Variants in DPP6 observed in about 807,000 individuals in gnomAD.
The protein encoded by DPP6 is A-type potassium channel modulatory protein DPP6.
In DPP6, 69 loss-of-function variants were observed where a neutral mutation model predicts 122.6. The ratio of observed to expected loss-of-function variants is 0.56; its 90% CI spans 0.46 to 0.69. DPP6 has a LOEUF of 0.69. DPP6 is among the 30% of genes least tolerant of loss of function. The pLI, the probability that DPP6 is intolerant of heterozygous loss-of-function variation, is 0.00. For synonymous variants in DPP6, 418 were observed against 433.1 expected, an observed-to-expected ratio of 0.97 and a Z score of 0.43; for missense variants, 928 against 1,116.9, an observed-to-expected ratio of 0.83 and a Z score of 2.41.
At chr7:154,238,437 G>A (rs1302677304) in intron 1 of DPP6, among the ~76,000 whole-genome samples, 1 of 152,164 alleles carries the variant, frequency 6.6e-6, no homozygotes, top group African/African-American at 2.4e-5. Context: ...AATATGAGGT[G>A]ATAATAGCAA....
intron 5 of DPP6, among the ~76,000 whole-genome samples, chr7:154,582,992 G>C (rs1366542292): frequency 6.6e-6 from 1 of 152,182 alleles, no homozygotes; most frequent in Non-Finnish European, 1.5e-5. Flanking sequence ...CAGGGATGGA[G>C]GGCTGTGGTT....
At chr7:154,682,278 G>C (rs1340296853) in intron 7 of DPP6, among the ~76,000 whole-genome samples, 1 of 152,244 alleles carries the variant, frequency 6.6e-6, no homozygotes, top group African/African-American at 2.4e-5. Context: ...AAGATAGAGA[G>C]TGCTCCTGAT....
chr7:154,575,426 G>GTGTGGT (rs1586663014), intron 5 of DPP6, among the ~76,000 whole-genome samples: 1 of 37,114 alleles, frequency 2.7e-5, no homozygotes, highest in Non-Finnish European at 4.8e-5. Context: ...ATGTGTGTGT[G>GTGTGGT]GTGTGTATGT....
rs1401579651 is a variant in DPP6, at chr7:154,074,631, A to T, written c.243+21568A>T. ...TCCATTTAATGCTTTAAGAAAATAGAAAAAGAAAGGTTAAATTGCTGAAAG... is the reference window on the plus strand; with the variant it reads ...TCCATTTAATGCTTTAAGAAAATAGTAAAAGAAAGGTTAAATTGCTGAAAG... On this transcript the variant is annotated intron_variant, in intron 1 of 25. Transcript: ENST00000377770. Among the ~76,000 whole-genome samples, 4 of 152,222 alleles carry T rather than the reference A, an allele frequency of 2.6e-5. No individual in the cohort carries two copies. In the East Asian group the frequency reaches 5.8e-4, roughly 22 times the overall value.
At chr7:154,076,149 TA>T (rs201643151) in intron 1 of DPP6, among the ~76,000 whole-genome samples, 7 of 152,086 alleles carry the variant, frequency 4.6e-5, no homozygotes, top group South Asian at 2.1e-4. Context: ...GGGTTTAAAA[TA>T]TTTTTTTTTA....
intron 8 of DPP6, among the ~76,000 whole-genome samples, chr7:154,752,739 G>T (rs887033091): frequency 2.6e-5 from 4 of 152,166 alleles, no homozygotes; most frequent in Non-Finnish European, 5.9e-5. Flanking sequence ...AGTGGCGGCC[G>T]CTCTGTTCTA....
At chr7:154,622,920 C>A (rs1156740323) in intron 5 of DPP6, among the ~76,000 whole-genome samples, 1 of 152,216 alleles carries the variant, frequency 6.6e-6, no homozygotes, top group Non-Finnish European at 1.5e-5. Flanking sequence ...TTACAAGGGA[C>A]TTGGTGGATT....
At chr7:154,365,359 A>G (rs1812064631) in intron 1 of DPP6, among the ~76,000 whole-genome samples, 1 of 152,202 alleles carries the variant, frequency 6.6e-6, no homozygotes, top group African/African-American at 2.4e-5. Flanking sequence ...AGTAGAGACC[A>G]TAAAATCCAC....
At chr7:153,865,305 C>G in the DPP6 span, among the ~76,000 whole-genome samples, 1 of 152,144 alleles carries the variant, frequency 6.6e-6, no homozygotes. Context: ...AAAACAACAA[C>G]CACAGATATT....
At chr7:154,319,646 G>A (rs1439221345) in intron 1 of DPP6, among the ~76,000 whole-genome samples, 1 of 152,002 alleles carries the variant, frequency 6.6e-6, no homozygotes, top group Non-Finnish European at 1.5e-5. Context: ...AGTGAGCTGA[G>A]ATTGGACCAC....
rs970991923 is a variant in DPP6, at chr7:154,053,176, C to A, written c.243+113C>A. 2.4e-4 allele frequency: 208 copies of A among 858,480 alleles called. 2 individuals are homozygous for A. In the African/African-American group the frequency reaches 3.3e-3, roughly 14 times the overall value. 53.2% of individuals were successfully genotyped at this position (858,480 alleles called of 1,614,324 possible). On this transcript the variant is annotated intron_variant, in intron 1 of 25. Transcript: ENST00000377770. ...GGGGGGGAATCAGGCGCCCTCCCCC[C>A]GCCCACGACTCTCCGGGCGCCCCCA...
At chr7:154,441,778 A>C (rs1388800580) in intron 1 of DPP6, among the ~76,000 whole-genome samples, 4 of 152,158 alleles carry the variant, frequency 2.6e-5, no homozygotes, top group Non-Finnish European at 5.9e-5. Flanking sequence ...TATTATCTTA[A>C]TCTGGGTTTC....
chr7:154,643,324 C>T (rs1312246432), intron 6 of DPP6, among the ~76,000 whole-genome samples: 2 of 152,056 alleles, frequency 1.3e-5, no homozygotes, highest in Admixed American at 1.3e-4. Context: ...AGAAAAGATA[C>T]TGTGTCAGCA....
rs942442417 is a variant in DPP6, at chr7:154,695,679, C to T, written c.762+26238C>T. ...AGAGCAGGCAAGGTCATCAGAGAAGCGGAGCAGCAGAGACCTGGAGGCAGG... is the reference window on the plus strand; with the variant it reads ...AGAGCAGGCAAGGTCATCAGAGAAGTGGAGCAGCAGAGACCTGGAGGCAGG... On this transcript the variant is annotated intron_variant, in intron 7 of 25. Coordinates refer to ENST00000377770, the MANE Select transcript of DPP6 (RefSeq NM_130797.4). 5.3e-5 allele frequency among the ~76,000 whole-genome samples: 8 copies of T among 152,232 alleles called. No individual in the cohort carries two copies. The East Asian group carries it at 7.7e-4, about 15-fold the overall frequency.
At chr7:153,846,404 T>C in the DPP6 span, among the ~76,000 whole-genome samples, 1 of 152,082 alleles carries the variant, frequency 6.6e-6, no homozygotes, top group Non-Finnish European at 1.5e-5. Context: ...TCTCCCAGTC[T>C]GCTCTTTATT....
At chr7:154,485,229 A>G (rs745481635) in intron 3 of DPP6, among the ~76,000 whole-genome samples, 13 of 152,170 alleles carry the variant, frequency 8.5e-5, no homozygotes, top group Non-Finnish European at 1.8e-4. Flanking sequence ...GAGTGTTTGG[A>G]GAGCATAACA....
At chr7:154,887,334 C>T (rs1166818658) in intron 22 of DPP6, among the ~76,000 whole-genome samples, 1 of 152,182 alleles carries the variant, frequency 6.6e-6, no homozygotes, top group Admixed American at 6.5e-5. Context: ...TCTCTTACCA[C>T]CCATGCCCTT....
chr7:154,690,644 G>A (rs1331516904), intron 7 of DPP6, among the ~76,000 whole-genome samples: 1 of 152,078 alleles, frequency 6.6e-6, no homozygotes, highest in Non-Finnish European at 1.5e-5. Context: ...GCATCATGAG[G>A]CAGCAAGAGT....
chr7:154,542,485 A>G (rs1429803529), intron 4 of DPP6, among the ~76,000 whole-genome samples: 2 of 152,230 alleles, frequency 1.3e-5, no homozygotes, highest in African/African-American at 2.4e-5. Context: ...AATGAAATAC[A>G]TGAATGTGAA....
Sources: gnomAD v4.1 joint callset for allele counts (sites outside exome capture counted in the v4.1 genomes callset) on GRCh38, gnomAD v4.1.1 for gene constraint, MANE v1.5 for transcripts, NCBI Gene and HGNC (gene_info 2026-07-23, HGNC 2026-07-21) for gene names.